The following RANBP9 variants were observed in gnomAD, a reference collection of about 807,000 sequenced individuals.
RANBP9 encodes the protein RAN binding protein 9.
Under a neutral mutation model 84.3 loss-of-function variants are expected in RANBP9, and 15 were observed. The observed-to-expected ratio is 0.18, with a 90% CI of 0.12 to 0.27. RANBP9 has a LOEUF of 0.27. Among genes scored for constraint, RANBP9 ranks in the 10% least tolerant of loss-of-function variants. The probability of loss-of-function intolerance (pLI) is 1.00; values close to 1 mark genes in which losing one functional copy is unlikely to be tolerated. For missense variants in RANBP9, 809 were observed against 912.8 expected (o/e 0.89, Z 1.46); for synonymous variants, 392 against 349.6 (o/e 1.12, Z -1.35).
At chr6:13,676,320 T>C (rs1002470525) in intron 2 of RANBP9, among the ~76,000 whole-genome samples, 37 of 151,850 alleles carry the variant, frequency 2.4e-4, no homozygotes, top group Non-Finnish European at 4.0e-4. Context: ...ATTAATAACC[T>C]TCCAAAAAAA....
intron 12 of RANBP9, among the ~76,000 whole-genome samples, chr6:13,627,271 C>A (rs896652181): frequency 6.6e-6 from 1 of 152,144 alleles, no homozygotes; most frequent in Admixed American, 6.5e-5. Flanking sequence ...CCAACCCACA[C>A]TTCCCAACCC....
At chr6:13,707,184 C>T (rs1426607896) in intron 1 of RANBP9, among the ~76,000 whole-genome samples, 3 of 151,894 alleles carry the variant, frequency 2.0e-5, no homozygotes, top group East Asian at 3.9e-4. Context: ...CCACTTAGCC[C>T]GGTTAATTTT....
intron 10 of RANBP9, among the ~76,000 whole-genome samples, chr6:13,636,640 T>G (rs1172051772): frequency 2.0e-5 from 3 of 152,254 alleles, no homozygotes; most frequent in Non-Finnish European, 4.4e-5. Flanking sequence ...AGTACTTAAC[T>G]TTTTACATTT....
At chr6:13,637,667 A>C (rs1424510347) in intron 10 of RANBP9, 141 bp downstream of exon 10, 12 of 776,768 alleles carry the variant, frequency 1.5e-5, no homozygotes, top group Non-Finnish European at 2.3e-5. Context: ...CTGACTCCCT[A>C]CGCTTTTATT....
intron 2 of RANBP9, among the ~76,000 whole-genome samples, chr6:13,671,256 A>G (rs549657352): frequency 7.9e-5 from 12 of 152,286 alleles, no homozygotes; most frequent in Non-Finnish European, 1.2e-4. Flanking sequence ...CAGCTCCTCA[A>G]AAAGTTAATC....
intron 2 of RANBP9, among the ~76,000 whole-genome samples, chr6:13,684,496 T>G (rs1766121687): frequency 6.6e-6 from 1 of 152,230 alleles, no homozygotes; most frequent in African/African-American, 2.4e-5. Context: ...AACCTATAGT[T>G]TCCCATTTTG....
intron 1 of RANBP9, among the ~76,000 whole-genome samples, chr6:13,707,950 T>C (rs1017511738): frequency 1.6e-4 from 25 of 152,254 alleles, no homozygotes; most frequent in African/African-American, 5.8e-4. Context: ...GTTGTGTGAC[T>C]GCTAAGCAAA....
intron 4 of RANBP9, among the ~76,000 whole-genome samples, chr6:13,656,908 T>C (rs997224522): frequency 4.6e-5 from 7 of 152,208 alleles, no homozygotes; most frequent in African/African-American, 1.7e-4. Flanking sequence ...ATATGTATTA[T>C]ATAGATGGCC....
At chr6:13,710,806 A>AG (rs1362955742) in intron 1 of RANBP9, 129 bp downstream of exon 1, 9 of 991,986 alleles carry the variant, frequency 9.1e-6, no homozygotes, top group Non-Finnish European at 1.2e-5. Flanking sequence ...GCAGCACAAC[A>AG]GGCGGCGAGT....
chr6:13,700,348 G>A (rs1371508372), intron 1 of RANBP9, among the ~76,000 whole-genome samples: 4 of 152,126 alleles, frequency 2.6e-5, no homozygotes, highest in Non-Finnish European at 4.4e-5. Context: ...CGCTTCCTGA[G>A]CACCTTGTCT....
chr6:13,645,896 TTCAA>T (rs1046658956), intron 5 of RANBP9, among the ~76,000 whole-genome samples: 12 of 152,146 alleles, frequency 7.9e-5, no homozygotes, highest in Admixed American at 5.9e-4. Context: ...AAAACAACCG[TTCAA>T]TCAAGCAGAA....
At chr6:13,624,950 G>C (rs34580431) in intron 13 of RANBP9, among the ~76,000 whole-genome samples, 4 of 152,142 alleles carry the variant, frequency 2.6e-5, no homozygotes, top group Non-Finnish European at 5.9e-5. Flanking sequence ...CAGTGGCTTA[G>C]GCTGCTGCTA....
chr6:13,701,270 T>C (rs1258246966), intron 1 of RANBP9, among the ~76,000 whole-genome samples: 1 of 152,320 alleles, frequency 6.6e-6, no homozygotes. Context: ...TGACTTCCAA[T>C]GAATAAAGTC....
At chr6:13,696,617 A>G (rs1757837671) in intron 2 of RANBP9, among the ~76,000 whole-genome samples, 168 bp downstream of exon 2, 1 of 152,208 alleles carries the variant, frequency 6.6e-6, no homozygotes, top group Non-Finnish European at 1.5e-5. Context: ...CTTTAACTTC[A>G]GCTAGTATTT....
intron 2 of RANBP9, among the ~76,000 whole-genome samples, chr6:13,665,644 A>C (rs1011059574): frequency 6.6e-6 from 1 of 152,324 alleles, no homozygotes; most frequent in Non-Finnish European, 1.5e-5. Flanking sequence ...AGAAAAATGA[A>C]GATGTGTCTA....
rs1764457488 is a variant in RANBP9 at position 13,621,858 on chromosome 6, A to G, written c.*504T>C. The G allele has an allele frequency of 6.6e-6, 1 of 152,594 alleles. No homozygotes were observed. Among genetic ancestry groups the G allele is most frequent in the African/African-American group, 2.4e-5 (1 of 41,448 alleles). The allele number at this position is 152,594 out of a possible 1,614,324, so 9.5% of individuals were successfully genotyped here. A position where few individuals can be genotyped will look rare whatever the true frequency, so the allele number is the denominator to read the frequency against. ...GAGTATTTCAAGTTTTACAGTACAC[A>G]TTAAAAATGATTTCTTCCATCAACA... On this transcript the variant is annotated 3_prime_UTR_variant, in exon 14 of 14. Coordinates refer to ENST00000011619, the MANE Select transcript of RANBP9 (RefSeq NM_005493.3).
At chr6:13,644,118 T>C (rs975533349) in intron 6 of RANBP9, among the ~76,000 whole-genome samples, 1 of 152,174 alleles carries the variant, frequency 6.6e-6, no homozygotes, top group Non-Finnish European at 1.5e-5. Flanking sequence ...TATTAAGAGC[T>C]TGGACATAGC....
chr6:13,622,170 G>A lies in RANBP9; in HGVS notation c.*192C>T, dbSNP rs1764469262. ...CTTAGACAACTAAGAGGTTAAAGAT[G>A]GAAAATAATTTCTCCTAACACTAAG... On this transcript the variant is annotated 3_prime_UTR_variant, in exon 14 of 14. Transcript: ENST00000011619. 1 of 457,238 alleles carries A rather than the reference G, an allele frequency of 2.2e-6. No homozygotes were observed. The allele number at this position is 457,238 out of a possible 1,614,324, so 28.3% of individuals were successfully genotyped here.
intron 1 of RANBP9, among the ~76,000 whole-genome samples, chr6:13,704,464 A>C (rs1027081180): frequency 2.0e-5 from 3 of 151,848 alleles, no homozygotes; most frequent in African/African-American, 7.3e-5. Flanking sequence ...CCCCTTCTCT[A>C]CAAAAAAATA....
Sources: gnomAD v4.1 joint callset for allele counts (sites outside exome capture counted in the v4.1 genomes callset) on GRCh38, gnomAD v4.1.1 for gene constraint, MANE v1.5 for transcripts, NCBI Gene and HGNC (gene_info 2026-07-23, HGNC 2026-07-21) for gene names.